MICALL1: variants seen among roughly 807,000 people sequenced by gnomAD.
The protein encoded by MICALL1 is MICAL-like protein 1.
MICALL1 carries 61 observed loss-of-function variants against 83.7 expected under a neutral mutation model. The observed-to-expected ratio is 0.73, with a 90% confidence interval of 0.59 to 0.90. The LOEUF (loss-of-function observed/expected upper bound fraction) is 0.90, where lower values mean the gene tolerates loss of function less well. Ranked by LOEUF, MICALL1 falls within the 40% of genes least tolerant of loss-of-function variation. The pLI, the probability that MICALL1 is intolerant of heterozygous loss-of-function variation, is 0.00. For missense variants in MICALL1, 1,066 were observed against 1,152.0 expected (o/e 0.93, Z 1.08); for synonymous variants, 481 against 473.6 (o/e 1.02, Z -0.20).
intron 9 of MICALL1, among the ~76,000 whole-genome samples, chr22:37,928,352 G>A (rs1434815811): frequency 2.0e-5 from 3 of 151,750 alleles, no homozygotes; most frequent in African/African-American, 7.3e-5. Context: ...GACTACAGGC[G>A]CCCGCCACCA....
rs781388991 is a variant in MICALL1 at position 37,906,529 on chromosome 22, C to T, written c.107C>T (p.Ala36Val). 1.5e-5 allele frequency: 18 copies of T among 1,230,184 alleles called. No individual in the cohort carries two copies. The highest frequency in any genetic ancestry group is 1.6e-5 in the African/African-American group (1 of 62,944). The allele number at this position is 1,230,184 out of a possible 1,614,324, so 76.2% of individuals were successfully genotyped here. A position where few individuals can be genotyped will look rare whatever the true frequency, so the allele number is the denominator to read the frequency against. Residue 36 changes from alanine (A) to valine (V), a missense_variant, in exon 1 of 16, where the codon GCC (alanine) becomes GTC (valine). Physicochemically the swap from Ala to Val is moderately conservative, Grantham distance 64. Transcript: ENST00000215957. The surrounding 1 kb of genome is among the most constrained non-coding windows in gnomAD (Gnocchi z 4.4). ...DLSSSFRDGLAFCAILHRHRP... is the reference protein window; with the variant it reads ...DLSSSFRDGLVFCAILHRHRP... Reference sequence around the variant, plus strand: ...AGCAGCTCCTTCCGGGACGGCCTGGCCTTCTGCGCCATCCTGCACCGGCAC... The same window carrying T: ...AGCAGCTCCTTCCGGGACGGCCTGGTCTTCTGCGCCATCCTGCACCGGCAC...
In MICALL1 at chr22:37,906,361, C is replaced by G. The variant is rs2145864214; in HGVS notation, c.-62C>G. On this transcript the variant is annotated 5_prime_UTR_variant, in exon 1 of 16. Transcript: ENST00000215957. The surrounding 1 kb of genome is among the most constrained non-coding windows in gnomAD (Gnocchi z 4.4). ...GCCGGAAACCGGGCCCGCGCGGCGG[C>G]CGCCGTCCCGGCCAAGCCGGGGCCC... 1 of 1,012,152 alleles carries G rather than the reference C, an allele frequency of 9.9e-7. No homozygotes were observed. The highest frequency in any genetic ancestry group is 1.2e-6 in the Non-Finnish European group (1 of 847,032). 62.7% of individuals were successfully genotyped at this position (1,012,152 alleles called of 1,614,324 possible).
chr22:37,912,248 A>G, intron 2 of MICALL1, 103 bp from the exon 3 acceptor site: 2 of 1,414,700 alleles, frequency 1.4e-6, no homozygotes, highest in Admixed American at 2.1e-5. Context: ...CAGTCACCCC[A>G]TCCCACTGAA....
At position 37,921,994 on chromosome 22, in the gene MICALL1, C is replaced by T; in HGVS notation, c.592C>T (p.Leu198=). The T allele has an allele frequency of 2.5e-6, 4 of 1,590,368 alleles. No individual in the cohort carries two copies. Among genetic ancestry groups the T allele is most frequent in the Non-Finnish European group, 3.4e-6 (4 of 1,165,510 alleles). Reference sequence around the variant, plus strand: ...CAGGTGTCGGCGGTGCTCCAGCACCCTGCTCCCTGGGGCTTATGAGAATGG... The same window carrying T: ...CAGGTGTCGGCGGTGCTCCAGCACCTTGCTCCCTGGGGCTTATGAGAATGG... ...CFRCRRCSST[L]LPGAYENGPE... Residue 198 remains leucine (L), a synonymous_variant, in exon 6 of 16, where the codon CTG becomes TTG. Transcript: ENST00000215957.
rs905017312 is a variant in MICALL1 at position 37,927,237 on chromosome 22, A to T, written c.1466-174A>T. On this transcript the variant is annotated intron_variant, in intron 8 of 15. Transcript: ENST00000215957. ...GGACTCGGGTGGCTGGATGCACCTC[A>T]TGACTTCCGTCCTGCCGGGCGTTTG... 19 of 730,056 alleles carry T rather than the reference A, an allele frequency of 2.6e-5. No homozygotes were observed. The South Asian group carries it at 4.5e-4, about 17-fold the overall frequency. 45.2% of individuals were successfully genotyped at this position (730,056 alleles called of 1,614,324 possible). A position where few individuals can be genotyped will look rare whatever the true frequency, so the allele number is the denominator to read the frequency against.
chr22:37,916,962 C>G lies in MICALL1; in HGVS notation c.338-745C>G, dbSNP rs553412004. Among the ~76,000 whole-genome samples the G allele has an allele frequency of 2.2e-3, 336 of 152,194 alleles. 1 individual carries two copies. The highest frequency in any genetic ancestry group is 3.7e-3 in the Non-Finnish European group (251 of 68,000). On this transcript the variant is annotated intron_variant, in intron 3 of 15. Coordinates refer to ENST00000215957, the MANE Select transcript of MICALL1 (RefSeq NM_033386.4). ...CACTGTAACCTCCACCTCCCAGGTT[C>G]GAGCGATTCTCCTGCCTTAGCCTTC... is the stretch of plus-strand genomic sequence containing the variant.
At position 37,937,109 on chromosome 22, in the gene MICALL1, C is replaced by G. The variant is rs575389316; in HGVS notation, c.2338C>G (p.Arg780Gly). ...EKDWTEEDRA[R>G]EKVLMQELVT... ...GGACTGGACGGAGGAGGACCGGGCC[C>G]GGGAGAAGGTGCTGATGCAGGAGCT... The change falls in exon 14 of 16, where the codon CGG becomes GGG. Residue 780 changes from arginine to glycine, a missense_variant. Transcript: ENST00000215957. 1.3e-6 allele frequency: 2 copies of G among 1,551,408 alleles called. No individual in the cohort carries two copies. The highest frequency in any genetic ancestry group is 1.7e-6 in the Non-Finnish European group (2 of 1,146,930).
At position 37,906,316 on chromosome 22, in the gene MICALL1, A is replaced by G. The variant is rs893658167; in HGVS notation, c.-107A>G. On this transcript the variant is annotated 5_prime_UTR_variant, in exon 1 of 16. Coordinates refer to ENST00000215957, the MANE Select transcript of MICALL1 (RefSeq NM_033386.4). This position sits in a 1 kb window ranked among gnomAD's most constrained non-coding sequence, Gnocchi z 4.4. ...CCCCTCGCCTGCCGGTCGGCGCCCG[A>G]GCTCGGAGCCGCAGCCGCAGCCGGA... 25 of 846,692 alleles carry G rather than the reference A, an allele frequency of 3.0e-5. No individual in the cohort carries two copies. In the African/African-American group the frequency reaches 4.6e-4, roughly 16 times the overall value. 52.4% of individuals were successfully genotyped at this position (846,692 alleles called of 1,614,324 possible).
At position 37,922,061 on chromosome 22, in the gene MICALL1, G is replaced by A. The variant is rs1202049200; in HGVS notation, c.659G>A (p.Arg220Lys). 3.1e-6 allele frequency: 5 copies of A among 1,613,346 alleles called. No homozygotes were observed. The South Asian group carries it at 4.4e-5, about 14-fold the overall frequency. ...TTTGTGTGTGCAGAACACTGTGCCA[G>A]GCTGGGCCCGGGGACACGGTCGGGG... is the stretch of plus-strand genomic sequence containing the variant. ...GTFVCAEHCA[R>K]LGPGTRSGTR... is the part of the protein sequence containing the mutation. The change falls in exon 6 of 16, where the codon AGG becomes AAG. Residue 220 changes from arginine to lysine, a missense_variant. Coordinates refer to ENST00000215957, the MANE Select transcript of MICALL1 (RefSeq NM_033386.4).
In MICALL1 at chr22:37,941,923, T is replaced by G. The variant is rs1326398922; in HGVS notation, c.*1093T>G. The G allele has an allele frequency of 2.0e-5, 3 of 151,098 alleles. No homozygotes were observed. Among genetic ancestry groups the G allele is most frequent in the African/African-American group, 7.3e-5 (3 of 41,004 alleles). 9.4% of individuals were successfully genotyped at this position (151,098 alleles called of 1,614,324 possible). On this transcript the variant is annotated 3_prime_UTR_variant, in exon 16 of 16. Transcript: ENST00000215957. The stretch of plus-strand genomic sequence containing the variant: ...ATCTCTGGGATGCCTCTAGGCCCCC[T>G]TCCCTCTACACACCTCTGGGAAAAG...
rs775431531 is a variant in MICALL1 at position 37,930,836 on chromosome 22, A to G, written c.1882-963A>G. On this transcript the variant is annotated intron_variant, in intron 9 of 15. Transcript: ENST00000215957. The surrounding 1 kb of genome is among the most constrained non-coding windows in gnomAD (Gnocchi z 4.8). The stretch of plus-strand genomic sequence containing the variant: ...ACCCTCTGACTCCATCTGCTGGTCA[A>G]ACACTTCCTGGCTGGGTGACCCTGG... Among the ~76,000 whole-genome samples the G allele has an allele frequency of 2.6e-5, 4 of 152,276 alleles. No homozygotes were observed. Among genetic ancestry groups the G allele is most frequent in the Non-Finnish European group, 5.9e-5 (4 of 68,022 alleles).
intron 9 of MICALL1, 39 bp downstream of exon 9, chr22:37,927,865 T>C (rs1569145554): frequency 6.4e-7 from 1 of 1,554,588 alleles, no homozygotes; most frequent in African/African-American, 1.4e-5. Flanking sequence ...TGACATCCTC[T>C]CTAGTGGATG....
chr22:37,927,327 T>G (rs1929507658), intron 8 of MICALL1, 84 bp from the exon 9 acceptor site: 1 of 1,411,726 alleles, frequency 7.1e-7, no homozygotes, highest in Non-Finnish European at 9.3e-7. Context: ...TGCCTGCGGC[T>G]CTGTTGAGAG....
At chr22:37,933,002 G>A (rs1433855606) in intron 12 of MICALL1, 37 bp from the exon 13 acceptor site, 1 of 1,613,746 alleles carries the variant, frequency 6.2e-7, no homozygotes, top group South Asian at 1.1e-5. Flanking sequence ...CGGGGCTCGG[G>A]CAGAATTGTT....
intron 3 of MICALL1, among the ~76,000 whole-genome samples, chr22:37,914,452 C>T (rs1427454508): frequency 1.3e-5 from 2 of 151,294 alleles, no homozygotes; most frequent in African/African-American, 4.9e-5. Context: ...GTCTCGAATT[C>T]CTGACCTCAG....
chr22:37,921,911 G>A, intron 5 of MICALL1, 61 bp from the exon 6 acceptor site: 1 of 1,472,514 alleles, frequency 6.8e-7, no homozygotes, highest in East Asian at 2.3e-5. Flanking sequence ...CGGCTGGAGG[G>A]GTAGCCAGTG....
intron 1 of MICALL1, among the ~76,000 whole-genome samples, chr22:37,909,853 C>G (rs998743079): frequency 6.6e-6 from 1 of 152,068 alleles, no homozygotes; most frequent in African/African-American, 2.4e-5. Flanking sequence ...GGGAGGATCT[C>G]CGTGAGAATA....
At chr22:37,937,467 A>G (rs1490090924) in intron 14 of MICALL1, among the ~76,000 whole-genome samples, 1 of 123,022 alleles carries the variant, frequency 8.1e-6, no homozygotes, top group East Asian at 2.4e-4. Flanking sequence ...CTTGTTGCCC[A>G]GGCTGGAGTG....
intron 1 of MICALL1, among the ~76,000 whole-genome samples, chr22:37,909,766 T>C (rs1037158371): frequency 6.6e-6 from 1 of 152,242 alleles, no homozygotes; most frequent in African/African-American, 2.4e-5. Context: ...ATTTGCAATA[T>C]TGCCAGCGCA....
Sources: allele counts gnomAD v4.1 joint callset (sites outside exome capture counted in the v4.1 genomes callset), GRCh38; gene constraint gnomAD v4.1.1; non-coding constraint Gnocchi (gnomAD v3.1); transcripts MANE v1.5; gene names NCBI Gene and HGNC (gene_info 2026-07-23, HGNC 2026-07-21).